Variants in PDE4DIP observed in about 807,000 individuals in gnomAD.
PDE4DIP encodes myomegalin.
A neutral mutation model predicts 221.4 loss-of-function variants in PDE4DIP; 59 were observed. That is an observed-to-expected ratio of 0.27 (90% CI 0.22 to 0.33). The LOEUF (loss-of-function observed/expected upper bound fraction) is 0.33. PDE4DIP is among the 10% of genes least tolerant of loss of function. The probability of loss-of-function intolerance (pLI) is 1.00; values close to 1 mark genes in which losing one functional copy is unlikely to be tolerated. For synonymous variants in PDE4DIP, 404 were observed against 815.9 expected (o/e 0.50, Z 8.60); for missense variants, 1,036 against 2,154.2 (o/e 0.48, Z 10.28).
intron 1 of PDE4DIP, among the ~76,000 whole-genome samples, chr1:148,826,164 G>A (rs1354904026): frequency 2.1e-5 from 2 of 96,624 alleles, no homozygotes; most frequent in African/African-American, 7.3e-5. Flanking sequence ...AGACCCTTCT[G>A]GTTTTGATTT....
chr1:148,968,906 G>A (rs374875259), exon 14 of PDE4DIP: 167 of 1,612,972 alleles, frequency 1.0e-4, no homozygotes, highest in Non-Finnish European at 1.1e-4. Flanking sequence ...CTGTGCCAGC[G>A]TCTACAGCGA....
intron 26 of PDE4DIP, among the ~76,000 whole-genome samples, chr1:149,004,122 G>T (rs1478572184): frequency 6.6e-6 from 1 of 152,060 alleles, no homozygotes; most frequent in African/African-American, 2.4e-5. Context: ...TCATTCTTGA[G>T]GCAGTGTAGT....
intron 1 of PDE4DIP, among the ~76,000 whole-genome samples, chr1:148,927,277 T>A (rs1553466382): frequency 6.6e-6 from 1 of 152,058 alleles, no homozygotes; most frequent in African/African-American, 2.4e-5. Flanking sequence ...TGGATCTGAA[T>A]CTATGTTCTA....
intron 16 of PDE4DIP, 148 bp downstream of exon 19, chr1:148,972,740 A>G (rs1236104717): frequency 1.8e-6 from 1 of 570,040 alleles, no homozygotes; most frequent in African/African-American, 1.9e-5. Flanking sequence ...GAAAGGCTGA[A>G]GAACTGTCCT....
chr1:148,981,338 A>T (rs1553542733), exon 21 of PDE4DIP: 6 of 1,614,044 alleles, frequency 3.7e-6, no homozygotes, highest in African/African-American at 1.3e-5. Context: ...CGGCTAGAAG[A>T]AGTTCTTGGA....
At chr1:148,990,144 T>G in intron 21 of PDE4DIP, 349 of 830,700 alleles carry the variant, frequency 4.2e-4, no homozygotes, top group Middle Eastern at 1.2e-3. Flanking sequence ...AGCACTTCCA[T>G]GAGATCAGCC....
chr1:149,028,592 G>A (rs2152804262), exon 41 of PDE4DIP: 1 of 1,610,840 alleles, frequency 6.2e-7, no homozygotes, highest in Non-Finnish European at 8.5e-7. Flanking sequence ...ATGAGCTTCG[G>A]AGCAGCACCA....
Position 149,020,033 on chromosome 1 carries a change from G to T in PDE4DIP, c.5771-114G>T. The stretch of plus-strand genomic sequence containing the variant: ...CAGCATGCTCTTCCCACCAACATAG[G>T]GCCTTCCTTCCCTGCTCCTTAGCTC... On this transcript the variant is annotated intron_variant, in intron 35 of 43. Transcript: ENST00000369354. 8.5e-6 allele frequency: 5 copies of T among 590,712 alleles called. No homozygotes were observed. The South Asian group carries it at 8.6e-5, about 10-fold the overall frequency. 36.6% of individuals were successfully genotyped at this position (590,712 alleles called of 1,614,324 possible). A position where few individuals can be genotyped will look rare whatever the true frequency, so the allele number is the denominator to read the frequency against.
chr1:148,870,792 TA>T (rs1226917936), intron 3 of PDE4DIP: 1 of 167,310 alleles, frequency 6.0e-6, no homozygotes, highest in Non-Finnish European at 1.3e-5. Context: ...TGAAAGGGTT[TA>T]AAAATTAGAG....
At chr1:148,815,333 G>A (rs1486535401) in intron 1 of PDE4DIP, among the ~76,000 whole-genome samples, 6 of 142,366 alleles carry the variant, frequency 4.2e-5, no homozygotes, top group African/African-American at 7.6e-5. Flanking sequence ...CGCAGATCAC[G>A]AGGTCAGGAG....
At chr1:149,006,982 G>C (rs587663320) in intron 27 of PDE4DIP, among the ~76,000 whole-genome samples, 8 of 137,162 alleles carry the variant, frequency 5.8e-5, no homozygotes, top group Non-Finnish European at 9.4e-5. Flanking sequence ...GATTACAGGC[G>C]TGAGCTACCA....
At chr1:148,973,106 T>A (rs1431779585) in intron 16 of PDE4DIP, among the ~76,000 whole-genome samples, 17 of 135,422 alleles carry the variant, frequency 1.3e-4, no homozygotes, top group Admixed American at 9.8e-4. Context: ...TGGTGGGTAA[T>A]GGCATTCAGA....
intron 1 of PDE4DIP, among the ~76,000 whole-genome samples, chr1:148,923,497 G>A (rs1406384566): frequency 6.9e-6 from 1 of 145,532 alleles, no homozygotes; most frequent in Admixed American, 6.8e-5. Flanking sequence ...TTTTTGAGAC[G>A]GAGTCTTACT....
intron 41 of PDE4DIP, among the ~76,000 whole-genome samples, chr1:149,029,118 G>A (rs1377244868): frequency 6.6e-6 from 1 of 152,140 alleles, no homozygotes; most frequent in Non-Finnish European, 1.5e-5. Flanking sequence ...CCATGAGACT[G>A]AGCCTTTTTA....
At chr1:148,893,114 T>A in intron 1 of PDE4DIP, among the ~76,000 whole-genome samples, 1 of 140,360 alleles carries the variant, frequency 7.1e-6, no homozygotes, top group Non-Finnish European at 1.5e-5. Context: ...TGTATTTTTT[T>A]TTTTTTTTTT....
At chr1:149,009,900 G>A (rs1260964145) in intron 30 of PDE4DIP, 109 bp downstream of exon 33, 4 of 883,024 alleles carry the variant, frequency 4.5e-6, no homozygotes, top group Non-Finnish European at 5.6e-6. Flanking sequence ...ACATGGCTGT[G>A]GGGCCAAGTG....
intron 21 of PDE4DIP, among the ~76,000 whole-genome samples, chr1:148,990,589 G>A (rs1376648267): frequency 6.6e-6 from 1 of 150,890 alleles, no homozygotes; most frequent in Non-Finnish European, 1.5e-5. Context: ...CGCAGCTCTA[G>A]TGAGGGCTAG....
intron 6 of PDE4DIP, among the ~76,000 whole-genome samples, chr1:148,961,001 G>A (rs1175337992): frequency 6.6e-6 from 1 of 152,162 alleles, no homozygotes; most frequent in Non-Finnish European, 1.5e-5. Context: ...GTGCTTTTCA[G>A]GTGTGTAATT....
At chr1:148,973,160 C>T (rs1315970474) in intron 16 of PDE4DIP, among the ~76,000 whole-genome samples, 1 of 140,974 alleles carries the variant, frequency 7.1e-6, no homozygotes, top group Non-Finnish European at 1.5e-5. Context: ...TACATGAATG[C>T]CTTTTGCTTC....
Sources: gnomAD v4.1 joint callset for allele counts (sites outside exome capture counted in the v4.1 genomes callset) on GRCh38, gnomAD v4.1.1 for gene constraint, MANE v1.5 for transcripts, NCBI Gene and HGNC (gene_info 2026-07-23, HGNC 2026-07-21) for gene names.